The following NBEA variants were observed in gnomAD, a reference collection of about 807,000 sequenced individuals.
NBEA encodes neurobeachin.
In NBEA, 44 loss-of-function variants were observed where a neutral mutation model predicts 343.4. The observed-to-expected ratio is 0.13, with a 90% CI of 0.10 to 0.16. The LOEUF is 0.16. Among genes scored for constraint, NBEA ranks in the 10% least tolerant of loss-of-function variants. The pLI is 1.00. For missense variants in NBEA, 2,555 were observed against 3,631.3 expected, an observed-to-expected ratio of 0.70 and a Z score of 7.62; for synonymous variants, 1,175 against 1,238.7, an observed-to-expected ratio of 0.95 and a Z score of 1.08.
rs575495652 is a variant in NBEA at position 35,304,313 on chromosome 13, C to T, written c.5839-5215C>T. ...TGAACAAATTCAGGAATTACATTGC[C>T]TTGACAAAAGCAATTCTCTGTGTGT... On this transcript the variant is annotated intron_variant, in intron 35 of 58. Coordinates refer to ENST00000379939, the MANE Select transcript of NBEA (RefSeq NM_001385012.1). 4.6e-5 allele frequency among the ~76,000 whole-genome samples: 7 copies of T among 150,702 alleles called. No homozygotes were observed. In the South Asian group the frequency reaches 1.3e-3, roughly 27 times the overall value.
chr13:35,080,592 T>C (rs1211449023), intron 10 of NBEA, among the ~76,000 whole-genome samples: 2 of 152,078 alleles, frequency 1.3e-5, no homozygotes, highest in Non-Finnish European at 2.9e-5. Context: ...CATATAACCT[T>C]TGGGGCGGTA....
chr13:35,160,115 A>C (rs1398832482), intron 22 of NBEA, 83 bp downstream of exon 22: 1 of 1,234,512 alleles, frequency 8.1e-7, no homozygotes, highest in Non-Finnish European at 1.1e-6. Context: ...ATTTCTTATC[A>C]GTTACTTCAT....
intron 35 of NBEA, among the ~76,000 whole-genome samples, chr13:35,305,425 G>A (rs1484807091): frequency 1.3e-5 from 2 of 152,094 alleles, no homozygotes; most frequent in Non-Finnish European, 2.9e-5. Context: ...TTTAGGGTTT[G>A]TCACAAGTTC....
Position 35,566,951 on chromosome 13 carries a change from G to A in NBEA, c.6969G>A (p.Val2323=). The change falls in exon 45 of 59, where the codon GTG becomes GTA. Residue 2323 remains valine (V), a synonymous_variant. Transcript: ENST00000379939. ...DLNQYPVFPW[V]LTNYESEELD... ...ACCAATATCCAGTGTTTCCGTGGGT[G>A]TTAACCAACTATGAATCAGAAGAGT... 1 of 1,612,828 alleles carries A rather than the reference G, an allele frequency of 6.2e-7. No homozygotes were observed. Among genetic ancestry groups the A allele is most frequent in the Non-Finnish European group, 8.5e-7 (1 of 1,179,080 alleles).
chr13:35,522,016 T>C (rs1389372925), intron 41 of NBEA, among the ~76,000 whole-genome samples: 1 of 152,030 alleles, frequency 6.6e-6, no homozygotes, highest in Non-Finnish European at 1.5e-5. Context: ...GGACATTCCA[T>C]ACAGATAGAA....
At chr13:35,472,344 G>C (rs1275887299) in intron 40 of NBEA, 56 bp from the exon 41 acceptor site, 3 of 1,564,236 alleles carry the variant, frequency 1.9e-6, no homozygotes. Context: ...CTTTCTGGGA[G>C]GGAGCAGGAA....
intron 17 of NBEA, among the ~76,000 whole-genome samples, chr13:35,139,764 T>G (rs1225816264): frequency 6.8e-6 from 1 of 147,198 alleles, no homozygotes; most frequent in East Asian, 2.0e-4. Flanking sequence ...TTTTTTTTTT[T>G]TTTTTTTTAT....
chr13:35,437,559 A>C (rs1002035798), intron 39 of NBEA, among the ~76,000 whole-genome samples: 3 of 152,106 alleles, frequency 2.0e-5, no homozygotes, highest in African/African-American at 7.2e-5. Flanking sequence ...TTGGAATGTG[A>C]TTAATGAAAA....
intron 1 of NBEA, among the ~76,000 whole-genome samples, chr13:34,965,385 A>G (rs2059788171): frequency 6.6e-6 from 1 of 152,020 alleles, no homozygotes; most frequent in African/African-American, 2.4e-5. Flanking sequence ...AGTGTGTATT[A>G]GATACCACAG....
chr13:35,022,036 G>T (rs972013962), intron 1 of NBEA, among the ~76,000 whole-genome samples: 1 of 152,112 alleles, frequency 6.6e-6, no homozygotes, highest in African/African-American at 2.4e-5. Context: ...GTAGTTGGCT[G>T]CAGAAGTCTT....
At chr13:35,083,930 G>C (rs975517593) in intron 10 of NBEA, among the ~76,000 whole-genome samples, 9 of 152,080 alleles carry the variant, frequency 5.9e-5, no homozygotes, top group Non-Finnish European at 1.3e-4. Context: ...TGTGATCCTA[G>C]TCTCTGATAA....
At chr13:35,634,819 TTCTA>T (rs1366849792) in intron 49 of NBEA, among the ~76,000 whole-genome samples, 1 of 152,008 alleles carries the variant, frequency 6.6e-6, no homozygotes, top group Non-Finnish European at 1.5e-5. Context: ...TAGTTTCTTT[TTCTA>T]TCTTTTTCTC....
chr13:35,229,506 A>G lies in NBEA; in HGVS notation c.5649-2986A>G, dbSNP rs1346500869. 3.9e-5 allele frequency among the ~76,000 whole-genome samples: 6 copies of G among 152,230 alleles called. No individual in the cohort carries two copies. The East Asian group carries it at 1.2e-3, about 29-fold the overall frequency. On this transcript the variant is annotated intron_variant, in intron 33 of 58. Coordinates refer to ENST00000379939, the MANE Select transcript of NBEA (RefSeq NM_001385012.1). ...ATATGTTCTTTGTATTTTTATTTTA[A>G]GGAGAAAATTTTATTTATTTTTATA...
chr13:35,350,481 C>T (rs912989061), intron 37 of NBEA, among the ~76,000 whole-genome samples: 4 of 151,898 alleles, frequency 2.6e-5, no homozygotes, highest in African/African-American at 9.7e-5. Flanking sequence ...ATTTTTATCC[C>T]CCACCCGACA....
chr13:34,948,950 A>G (rs370507591), intron 1 of NBEA, among the ~76,000 whole-genome samples: 5 of 152,188 alleles, frequency 3.3e-5, no homozygotes, highest in African/African-American at 1.2e-4. Context: ...CCAAGATAGC[A>G]GAGAATTAGA....
intron 1 of NBEA, among the ~76,000 whole-genome samples, chr13:35,030,416 A>G (rs1237889681): frequency 6.6e-6 from 1 of 151,538 alleles, no homozygotes; most frequent in Admixed American, 6.6e-5. Context: ...CTCTGACTTC[A>G]TAGCAAGTGA....
rs2071467489 is a variant in NBEA, at chr13:35,183,581, G to T, written c.4832-395G>T. Among the ~76,000 whole-genome samples the T allele has an allele frequency of 2.0e-5, 3 of 151,692 alleles. No homozygotes were observed. In the Admixed American group the frequency reaches 2.0e-4, roughly 10 times the overall value. On this transcript the variant is annotated intron_variant, in intron 29 of 58. Coordinates refer to ENST00000379939, the MANE Select transcript of NBEA (RefSeq NM_001385012.1). ...GAATATTTCATTATAATATACTTTT[G>T]CTTTTAATTTTATTATTCAAATTAA... is the stretch of plus-strand genomic sequence containing the variant.
At chr13:35,510,582 TG>T (rs1222642318) in intron 41 of NBEA, among the ~76,000 whole-genome samples, 1 of 152,066 alleles carries the variant, frequency 6.6e-6, no homozygotes, top group Admixed American at 6.5e-5. Flanking sequence ...TACACGTTAC[TG>T]TCTGTTTTTT....
intron 39 of NBEA, among the ~76,000 whole-genome samples, chr13:35,435,955 AG>A (rs2045411310): frequency 6.6e-6 from 1 of 152,150 alleles, no homozygotes; most frequent in African/African-American, 2.4e-5. Flanking sequence ...ACTTGACCCA[AG>A]GAAATGACTT....
Sources: allele counts gnomAD v4.1 joint callset (sites outside exome capture counted in the v4.1 genomes callset), GRCh38; gene constraint gnomAD v4.1.1; transcripts MANE v1.5; gene names NCBI Gene and HGNC (gene_info 2026-07-23, HGNC 2026-07-21).